ANKFN1: variants seen among roughly 807,000 people sequenced by gnomAD.
ANKFN1 encodes the protein ankyrin repeat and fibronectin type-III domain-containing protein 1.
Under a neutral mutation model 108.7 loss-of-function variants are expected in ANKFN1, and 74 were observed. That is an observed-to-expected ratio of 0.68 (90% CI 0.56 to 0.83). The LOEUF is 0.83. ANKFN1 is among the 40% of genes least tolerant of loss of function. ANKFN1 has a pLI of 0.00. For missense variants in ANKFN1, 1,505 were observed against 1,382.3 expected (o/e 1.09, Z -1.41); for synonymous variants, 547 against 516.2 (o/e 1.06, Z -0.81).
intron 10 of ANKFN1, among the ~76,000 whole-genome samples, 175 bp downstream of exon 10, chr17:56,443,108 C>A: frequency 6.6e-6 from 1 of 152,172 alleles, no homozygotes; most frequent in East Asian, 1.9e-4. Context: ...CCTGGGGAAG[C>A]AGCTCAGTGG....
chr17:56,175,916 T>C (rs1417271520), intron 1 of ANKFN1, among the ~76,000 whole-genome samples: 1 of 107,076 alleles, frequency 9.3e-6, no homozygotes, highest in African/African-American at 3.7e-5. Context: ...TAGCCTATTA[T>C]AAGATAGTAG....
intron 20 of ANKFN1, among the ~76,000 whole-genome samples, chr17:56,500,835 A>G (rs956928340): frequency 6.6e-6 from 1 of 152,232 alleles, no homozygotes; most frequent in Non-Finnish European, 1.5e-5. Flanking sequence ...ACAGGGATAC[A>G]GTGATACATA....
intron 8 of ANKFN1, among the ~76,000 whole-genome samples, chr17:56,411,436 G>C (rs2048086616): frequency 6.6e-6 from 1 of 152,156 alleles, no homozygotes; most frequent in African/African-American, 2.4e-5. Context: ...GTTATCAGCA[G>C]AGACAATTTC....
chr17:56,394,046 G>A (rs2047511386), intron 8 of ANKFN1, among the ~76,000 whole-genome samples: 1 of 152,224 alleles, frequency 6.6e-6, no homozygotes. Flanking sequence ...GATGTTAGTG[G>A]TGAAAACAAA....
chr17:56,370,577 C>T (rs1348543281), intron 6 of ANKFN1, among the ~76,000 whole-genome samples: 1 of 152,076 alleles, frequency 6.6e-6, no homozygotes, highest in Non-Finnish European at 1.5e-5. Context: ...AGGACAATTC[C>T]CCCATTTTCT....
intron 2 of ANKFN1, among the ~76,000 whole-genome samples, chr17:56,223,836 C>T (rs1460279733): frequency 6.6e-6 from 1 of 152,216 alleles, no homozygotes; most frequent in Non-Finnish European, 1.5e-5. Context: ...GACAACATAA[C>T]TGTCACATAG....
intron 4 of ANKFN1, among the ~76,000 whole-genome samples, chr17:56,145,645 T>A (rs953268558): frequency 6.6e-6 from 1 of 152,162 alleles, no homozygotes. Context: ...TGGGGATTAC[T>A]GGAATTACAA....
At chr17:56,364,521 A>G (rs1350902179) in intron 6 of ANKFN1, among the ~76,000 whole-genome samples, 1 of 152,230 alleles carries the variant, frequency 6.6e-6, no homozygotes, top group East Asian at 1.9e-4. Context: ...ATTGGCAGAA[A>G]ACATGGTTAT....
intron 4 of ANKFN1, among the ~76,000 whole-genome samples, chr17:56,134,896 C>A (rs190232734): frequency 6.6e-6 from 1 of 152,084 alleles, no homozygotes; most frequent in African/African-American, 2.4e-5. Context: ...TTATTTTTTT[C>A]TTCTGATGTG....
intron 4 of ANKFN1, among the ~76,000 whole-genome samples, chr17:56,064,066 C>A (rs1905021902): frequency 1.3e-5 from 2 of 152,094 alleles, no homozygotes; most frequent in Non-Finnish European, 2.9e-5. Flanking sequence ...CACTCTCATA[C>A]CTGGAGATGT....
intron 1 of ANKFN1, among the ~76,000 whole-genome samples, chr17:56,172,869 A>G (rs1019708968): frequency 1.3e-5 from 2 of 152,196 alleles, no homozygotes; most frequent in African/African-American, 4.8e-5. Flanking sequence ...GCCAGCAGAC[A>G]GGGACACACT....
intron 8 of ANKFN1, among the ~76,000 whole-genome samples, chr17:56,395,646 C>G (rs540882683): frequency 6.6e-6 from 1 of 152,050 alleles, no homozygotes; most frequent in Non-Finnish European, 1.5e-5. Flanking sequence ...GTCAAGAGTT[C>G]GAGACCAGCC....
intron 10 of ANKFN1, among the ~76,000 whole-genome samples, chr17:56,445,396 G>A (rs1487193003): frequency 6.6e-6 from 1 of 152,222 alleles, no homozygotes; most frequent in Non-Finnish European, 1.5e-5. Flanking sequence ...TCTCCAGAAT[G>A]ACCAGAATAG....
chr17:56,244,065 G>C (rs955621995), intron 3 of ANKFN1, among the ~76,000 whole-genome samples: 1 of 152,022 alleles, frequency 6.6e-6, no homozygotes, highest in Admixed American at 6.6e-5. Flanking sequence ...GTGCTGTTTG[G>C]AGAGAAGTTC....
chr17:56,496,169 C>T (rs1598723170), intron 19 of ANKFN1, among the ~76,000 whole-genome samples: 1 of 152,002 alleles, frequency 6.6e-6, no homozygotes, highest in South Asian at 2.1e-4. Flanking sequence ...CTCCCTATAC[C>T]CATATGGTTT....
At chr17:56,225,136 A>G (rs931695333) in intron 2 of ANKFN1, among the ~76,000 whole-genome samples, 2 of 152,128 alleles carry the variant, frequency 1.3e-5, no homozygotes, top group African/African-American at 4.8e-5. Context: ...AATAATACAA[A>G]TGGTGGTCCC....
chr17:56,455,762 GA>G (rs2049671509), intron 11 of ANKFN1, among the ~76,000 whole-genome samples: 1 of 152,170 alleles, frequency 6.6e-6, no homozygotes, highest in Non-Finnish European at 1.5e-5. Flanking sequence ...CAGAAGACCT[GA>G]ACAGAAGCAA....
At chr17:56,223,036 G>A (rs1915997638) in intron 2 of ANKFN1, among the ~76,000 whole-genome samples, 1 of 152,158 alleles carries the variant, frequency 6.6e-6, no homozygotes, top group Admixed American at 6.5e-5. Context: ...AGAATAAGGA[G>A]ATCTCTATAT....
At chr17:56,237,080 C>G (rs995084551) in intron 3 of ANKFN1, among the ~76,000 whole-genome samples, 2 of 152,086 alleles carry the variant, frequency 1.3e-5, no homozygotes, top group Non-Finnish European at 2.9e-5. Context: ...TTACATATGT[C>G]GAGCCAACCT....
Sources: gnomAD v4.1 joint callset for allele counts (sites outside exome capture counted in the v4.1 genomes callset) on GRCh38, gnomAD v4.1.1 for gene constraint, MANE v1.5 for transcripts, NCBI Gene and HGNC (gene_info 2026-07-23, HGNC 2026-07-21) for gene names.